Variants in HSPA8 observed in about 807,000 individuals in gnomAD.
HSPA8 encodes the protein heat shock cognate 71 kDa protein.
Under a neutral mutation model 52.8 loss-of-function variants are expected in HSPA8, and 2 were observed. The ratio of observed to expected loss-of-function variants is 0.04; its 90% CI spans 0.02 to 0.12. HSPA8 has a LOEUF of 0.12. Ranked by LOEUF, HSPA8 falls within the 10% of genes least tolerant of loss-of-function variation. HSPA8 has a pLI of 1.00. For missense variants in HSPA8, 349 were observed against 800.5 expected (o/e 0.44, Z 6.81); for synonymous variants, 436 against 274.0 (o/e 1.59, Z -5.84).
Position 123,058,249 on chromosome 11 carries a change from A to AC in HSPA8, c.1755+2_1755+3insG. The AC allele has an allele frequency of 1.3e-6, 2 of 1,536,136 alleles. No individual in the cohort carries two copies. Among genetic ancestry groups the AC allele is most frequent in the Non-Finnish European group, 8.9e-7 (1 of 1,117,810 alleles). ...AGGAAAAAAAAAAAAAAAAAACACA[A>AC]ACCTGATTCTTATCAAGCCAGTTGA... On this transcript the variant is annotated splice_region_variant and intron_variant, in intron 8 of 8. Transcript: ENST00000534624.
In HSPA8 at chr11:123,059,239, A is replaced by G; in HGVS notation, c.1143T>C (p.Ser381=). Residue 381 remains serine, a synonymous_variant, in exon 6 of 9, where the codon TCT becomes TCC. Coordinates refer to ENST00000534624, the MANE Select transcript of HSPA8 (RefSeq NM_006597.6). ...CTTGAACATTCTCAGACTTGTCTCC[A>G]GACAAGATGGCTGCCTGGACAGCTA... ...YGAAVQAAIL[S]GDKSENVQDL... is the part of the protein sequence containing the mutation. 1 of 1,613,192 alleles carries G rather than the reference A, an allele frequency of 6.2e-7. No individual in the cohort carries two copies.
In HSPA8 at chr11:123,059,730, TAG is replaced by T. The variant is rs1159994840; in HGVS notation, c.861_862del (p.Tyr288Ter). ...GGAGGTATAGAAGTCGATTCCTTCA[TAG>T]AGAGAATCGATCTCAATACTGGCCT... On this transcript the variant is annotated frameshift_variant, in exon 5 of 9. Transcript: ENST00000534624. LOFTEE classifies it high-confidence loss of function. 1 of 1,613,766 alleles carries T rather than the reference TAG, an allele frequency of 6.2e-7. No homozygotes were observed. The highest frequency in any genetic ancestry group is 8.5e-7 in the Non-Finnish European group (1 of 1,179,844).
rs1282402208 is a variant in HSPA8 at position 123,060,503 on chromosome 11, TCCC to T, written c.411+87_411+89del. 5 of 1,040,738 alleles carry T rather than the reference TCCC, an allele frequency of 4.8e-6. No individual in the cohort carries two copies. In the Admixed American group the frequency reaches 7.2e-5, roughly 15 times the overall value. 64.5% of individuals were successfully genotyped at this position (1,040,738 alleles called of 1,614,324 possible). A position where few individuals can be genotyped will look rare whatever the true frequency, so the allele number is the denominator to read the frequency against. ...TAACCCTGAGCTGAGCCCCATCTGT[TCCC>T]CTCCCTCGCCAGGTGCCAGTGCCCC... On this transcript the variant is annotated intron_variant, in intron 3 of 8. Coordinates refer to ENST00000534624, the MANE Select transcript of HSPA8 (RefSeq NM_006597.6).
chr11:123,060,949 T>A, intron 2 of HSPA8, 151 bp from the exon 3 acceptor site: 1 of 871,508 alleles, frequency 1.1e-6, no homozygotes, highest in Non-Finnish European at 1.8e-6. Flanking sequence ...CCTCCTACGT[T>A]ATCCAGATTT....
chr11:123,060,710 A>C lies in HSPA8; in HGVS notation c.294T>G (p.Ala98=), dbSNP rs755808417. 5 of 1,613,944 alleles carry C rather than the reference A, an allele frequency of 3.1e-6. No homozygotes were observed. In the East Asian group the frequency reaches 8.9e-5, roughly 29 times the overall value. ...ATTCTACTTGGACCTTGGGCCTGCC[A>C]GCATCATTCACCACCATAAAGGGCC... The part of the protein sequence containing the change: ...KHWPFMVVND[A]GRPKVQVEYK... The change falls in exon 3 of 9, where the codon GCT becomes GCG. Residue 98 remains alanine, a synonymous_variant. Transcript: ENST00000534624.
intron 8 of HSPA8, 84 bp from the exon 9 acceptor site, chr11:123,058,003 G>T: frequency 3.5e-6 from 4 of 1,141,370 alleles, no homozygotes; most frequent in South Asian, 3.0e-5. Flanking sequence ...GATACTAAAA[G>T]TCTGGCGCAA....
intron 8 of HSPA8, 26 bp downstream of exon 8, chr11:123,058,226 G>GGAA (rs1555074069): frequency 1.7e-5 from 17 of 1,013,492 alleles, no homozygotes; most frequent in South Asian, 7.4e-5. Flanking sequence ...AGTGGGGGAG[G>GGAA]AAAAAAAAAA....
Position 123,060,114 on chromosome 11 carries a change from A to C in HSPA8, c.564+2T>G, listed in dbSNP as rs1865448389. On this transcript the variant is annotated splice_donor_variant, in intron 4 of 8. Coordinates refer to ENST00000534624, the MANE Select transcript of HSPA8 (RefSeq NM_006597.6). LOFTEE classifies it high-confidence loss of function. Reference sequence around the variant, plus strand: ...CGAACTTGCATCACAAATGGTACATACCTTTTTGTCTAAGCCGTAAGCAAT... The same window carrying C: ...CGAACTTGCATCACAAATGGTACATCCCTTTTTGTCTAAGCCGTAAGCAAT... 1 of 1,614,004 alleles carries C rather than the reference A, an allele frequency of 6.2e-7. No homozygotes were observed. Among genetic ancestry groups the C allele is most frequent in the Admixed American group, 1.7e-5 (1 of 59,994 alleles).
In HSPA8 at chr11:123,057,911, C is replaced by T; in HGVS notation, c.1764G>A (p.Glu588=). Residue 588 remains glutamate (E), a synonymous_variant, in exon 9 of 9, where the codon GAG becomes GAA. Coordinates refer to ENST00000534624, the MANE Select transcript of HSPA8 (RefSeq NM_006597.6). ...TCTGTTGATGTTCAAATTCTTCCTT[C>T]TCAGCAGTCTGAGGAAGAGAAAAAG... ...INWLDKNQTA[E]KEEFEHQQKE... is the part of the protein sequence containing the mutation. 1 of 1,606,638 alleles carries T rather than the reference C, an allele frequency of 6.2e-7. No homozygotes were observed. Among genetic ancestry groups the T allele is most frequent in the South Asian group, 1.1e-5 (1 of 89,706 alleles).
intron 1 of HSPA8, chr11:123,061,594 C>T: frequency 1.9e-6 from 1 of 513,510 alleles, no homozygotes; most frequent in Non-Finnish European, 3.5e-6. Flanking sequence ...TTACCCCGAA[C>T]TGAGCACTGT....
At position 123,059,847 on chromosome 11, in the gene HSPA8, T is replaced by C; in HGVS notation, c.746A>G (p.His249Arg). ...CTTGTTCTCACTGATGTCCTTCTTATGCTTGCGCTTAAACTCAGCAATAAA... is the reference window on the plus strand; with the variant it reads ...CTTGTTCTCACTGATGTCCTTCTTACGCTTGCGCTTAAACTCAGCAATAAA... ...NHFIAEFKRK[H>R]KKDISENKRA... Residue 249 changes from histidine (H) to arginine (R), a missense_variant, in exon 5 of 9, where the codon CAT becomes CGT. Physicochemically the swap from His to Arg is conservative, Grantham distance 29. Coordinates refer to ENST00000534624, the MANE Select transcript of HSPA8 (RefSeq NM_006597.6). The C allele has an allele frequency of 6.2e-7, 1 of 1,613,562 alleles. No homozygotes were observed. The highest frequency in any genetic ancestry group is 8.5e-7 in the Non-Finnish European group (1 of 1,179,880).
At chr11:123,059,353 A>G in intron 5 of HSPA8, 92 bp from the exon 6 acceptor site, 3 of 1,376,492 alleles carry the variant, frequency 2.2e-6, no homozygotes, top group Non-Finnish European at 3.1e-6. Flanking sequence ...ACATCCAAGG[A>G]AGGTGTTGCC....
In HSPA8 at chr11:123,059,858, A is replaced by C; in HGVS notation, c.735T>G (p.Phe245Leu). 1.9e-6 allele frequency: 3 copies of C among 1,613,360 alleles called. No individual in the cohort carries two copies. The highest frequency in any genetic ancestry group is 2.2e-5 in the South Asian group (2 of 91,038). ...TGATGTCCTTCTTATGCTTGCGCTTAAACTCAGCAATAAAATGGTTGACCA... is the reference window on the plus strand; with the variant it reads ...TGATGTCCTTCTTATGCTTGCGCTTCAACTCAGCAATAAAATGGTTGACCA... ...NRMVNHFIAE[F>L]KRKHKKDISE... The change falls in exon 5 of 9, where the codon TTT (phenylalanine) becomes TTG (leucine). Residue 245 changes from phenylalanine (F) to leucine (L), a missense_variant. Transcript: ENST00000534624.
intron 3 of HSPA8, 147 bp downstream of exon 3, chr11:123,060,446 G>A (rs56828988): frequency 0.027 from 23,591 of 887,630 alleles, 835 homozygotes; most frequent in East Asian, 0.17. Context: ...CATCTACCTA[G>A]AGAGCCTAGG....
chr11:123,060,357 C>G, intron 3 of HSPA8, 89 bp from the exon 4 acceptor site: 1 of 1,269,806 alleles, frequency 7.9e-7, no homozygotes, highest in Non-Finnish European at 1.1e-6. Flanking sequence ...GGTGAAAGAA[C>G]AGCTGGAGCA....
chr11:123,058,922 CA>C (rs1473323279), intron 6 of HSPA8, 92 bp from the exon 7 acceptor site: 1 of 1,406,482 alleles, frequency 7.1e-7, no homozygotes, highest in Non-Finnish European at 1.0e-6. Context: ...CTCAAACATC[CA>C]AGGAAGGAAC....
At position 123,062,085 on chromosome 11, in the gene HSPA8, A is replaced by T. The variant is rs187119724; in HGVS notation, c.-27T>A. On this transcript the variant is annotated 5_prime_UTR_variant, in exon 1 of 9. Coordinates refer to ENST00000534624, the MANE Select transcript of HSPA8 (RefSeq NM_006597.6). ...TTACCTGGGGTGTAGGCCTGGCTCCAATAACGAAGGAAGCCACAAAAAACC... is the reference window on the plus strand; with the variant it reads ...TTACCTGGGGTGTAGGCCTGGCTCCTATAACGAAGGAAGCCACAAAAAACC... 2.9e-3 allele frequency: 440 copies of T among 152,944 alleles called. 4 individuals carry two copies. The highest frequency in any genetic ancestry group is 9.4e-3 in the African/African-American group (389 of 41,524). 9.5% of individuals were successfully genotyped at this position (152,944 alleles called of 1,614,324 possible).
At chr11:123,059,431 G>A in intron 5 of HSPA8, 42 bp downstream of exon 5, 1 of 1,530,364 alleles carries the variant, frequency 6.5e-7, no homozygotes, top group Non-Finnish European at 9.0e-7. Flanking sequence ...GAGTCACCTT[G>A]GGCCTGCCTG....
intron 5 of HSPA8, 47 bp downstream of exon 5, chr11:123,059,426 A>ACCTTGGGCCTGCCTG (rs1865427185): frequency 1.3e-6 from 2 of 1,504,930 alleles, no homozygotes; most frequent in Non-Finnish European, 1.8e-6. Flanking sequence ...ACAGCGAGTC[A>ACCTTGGGCCTGCCTG]CCTTGGGCCT....
Sources: gnomAD v4.1 joint callset for allele counts on GRCh38, gnomAD v4.1.1 for gene constraint, MANE v1.5 for transcripts, NCBI Gene and HGNC (gene_info 2026-07-23, HGNC 2026-07-21) for gene names.